The following CFAP299 variants were observed in gnomAD, a reference collection of about 807,000 sequenced individuals.
CFAP299 encodes cilia and flagella associated protein 299, also known as cilia- and flagella-associated protein 299.
Under a neutral mutation model 27.0 loss-of-function variants are expected in CFAP299, and 21 were observed. The observed-to-expected ratio is 0.78, with a 90% CI of 0.55 to 1.12. The LOEUF is 1.12. CFAP299 is among the 50% of genes most tolerant of loss of function. The probability of loss-of-function intolerance (pLI) is 0.00; values close to 1 mark genes in which losing one functional copy is unlikely to be tolerated. For synonymous variants in CFAP299, 104 were observed against 98.1 expected, an observed-to-expected ratio of 1.06 and a Z score of -0.36; for missense variants, 310 against 276.6, an observed-to-expected ratio of 1.12 and a Z score of -0.86.
chr4:80,778,359 G>C (rs953465427), intron 3 of CFAP299, among the ~76,000 whole-genome samples: 1 of 152,046 alleles, frequency 6.6e-6, no homozygotes, highest in Non-Finnish European at 1.5e-5. Flanking sequence ...GAAAAAAGTG[G>C]TACTGCCTCT....
chr4:80,686,012 A>G (rs1720165428), intron 3 of CFAP299, among the ~76,000 whole-genome samples: 2 of 152,298 alleles, frequency 1.3e-5, no homozygotes, highest in South Asian at 4.1e-4. Context: ...TAAGTTAGAA[A>G]AAGAACCCCA....
chr4:80,563,961 T>A (rs1172735324), intron 2 of CFAP299, among the ~76,000 whole-genome samples: 1 of 151,978 alleles, frequency 6.6e-6, no homozygotes, highest in Non-Finnish European at 1.5e-5. Flanking sequence ...CTTAGATACA[T>A]ACAACCAGCC....
chr4:80,405,813 G>A (rs1156637161), intron 2 of CFAP299, among the ~76,000 whole-genome samples: 1 of 152,000 alleles, frequency 6.6e-6, no homozygotes, highest in Non-Finnish European at 1.5e-5. Flanking sequence ...AGATGAAATA[G>A]ATTGTATAAT....
intron 3 of CFAP299, among the ~76,000 whole-genome samples, chr4:80,754,502 C>T (rs946919371): frequency 1.3e-5 from 2 of 151,614 alleles, no homozygotes; most frequent in African/African-American, 4.8e-5. Flanking sequence ...TTTGTACTTC[C>T]ATTCTTCCCA....
At chr4:80,713,333 C>T (rs1309919892) in intron 3 of CFAP299, among the ~76,000 whole-genome samples, 2 of 152,206 alleles carry the variant, frequency 1.3e-5, no homozygotes, top group Non-Finnish European at 2.9e-5. Context: ...GCACATCCAG[C>T]TGTGCAACAT....
chr4:80,847,797 G>T (rs1731266606), intron 3 of CFAP299, among the ~76,000 whole-genome samples: 1 of 152,190 alleles, frequency 6.6e-6, no homozygotes, highest in Non-Finnish European at 1.5e-5. Flanking sequence ...TTTCTGTGAA[G>T]CATAATTAGA....
intron 1 of CFAP299, among the ~76,000 whole-genome samples, chr4:80,339,296 G>A (rs1396001447): frequency 1.3e-5 from 2 of 152,064 alleles, no homozygotes; most frequent in Admixed American, 6.6e-5. Context: ...AATTTTGCCC[G>A]TATCTTTGTA....
At chr4:80,772,721 G>C (rs886403927) in intron 3 of CFAP299, among the ~76,000 whole-genome samples, 1 of 151,652 alleles carries the variant, frequency 6.6e-6, no homozygotes, top group African/African-American at 2.4e-5. Context: ...CTTGCCCTCC[G>C]CCTCCCAAAA....
chr4:80,825,522 A>G (rs1309485569), intron 3 of CFAP299, among the ~76,000 whole-genome samples: 1 of 152,038 alleles, frequency 6.6e-6, no homozygotes, highest in Non-Finnish European at 1.5e-5. Context: ...TTCACATACA[A>G]GAGATTTTCA....
intron 3 of CFAP299, among the ~76,000 whole-genome samples, chr4:80,674,840 A>AAT (rs1719324218): frequency 6.6e-6 from 1 of 152,138 alleles, no homozygotes; most frequent in Non-Finnish European, 1.5e-5. Context: ...TGCATGCATC[A>AAT]CGTAGTTCTC....
intron 3 of CFAP299, among the ~76,000 whole-genome samples, chr4:80,823,314 A>C (rs1384687714): frequency 6.6e-6 from 1 of 152,150 alleles, no homozygotes; most frequent in Non-Finnish European, 1.5e-5. Flanking sequence ...ACTAAAACTC[A>C]GGGCCAGTAA....
chr4:80,519,557 A>C (rs1260095128), intron 2 of CFAP299, among the ~76,000 whole-genome samples: 1 of 152,206 alleles, frequency 6.6e-6, no homozygotes, highest in Non-Finnish European at 1.5e-5. Flanking sequence ...AAAGCTTTGA[A>C]GAATAATTAA....
chr4:80,639,074 C>A (rs1346581880), intron 3 of CFAP299, among the ~76,000 whole-genome samples: 1 of 152,114 alleles, frequency 6.6e-6, no homozygotes, highest in East Asian at 1.9e-4. Context: ...GCTCTCATGA[C>A]CTCACCTAAA....
intron 3 of CFAP299, among the ~76,000 whole-genome samples, chr4:80,584,341 T>C (rs1736324290): frequency 6.6e-6 from 1 of 152,040 alleles, no homozygotes; most frequent in Non-Finnish European, 1.5e-5. Flanking sequence ...AATGGTAGAA[T>C]TGCAGAGGAT....
intron 3 of CFAP299, among the ~76,000 whole-genome samples, chr4:80,657,442 A>T (rs956720593): frequency 6.6e-6 from 1 of 152,186 alleles, no homozygotes; most frequent in African/African-American, 2.4e-5. Context: ...AGTTTTCTGC[A>T]TATCGCTAGC....
chr4:80,816,853 A>T (rs555365433), intron 3 of CFAP299, among the ~76,000 whole-genome samples: 4 of 152,218 alleles, frequency 2.6e-5, no homozygotes, highest in African/African-American at 7.2e-5. Context: ...TTTAAAAAAA[A>T]TGCAAGAAAA....
intron 3 of CFAP299, among the ~76,000 whole-genome samples, chr4:80,609,775 T>C (rs1002548143): frequency 6.6e-6 from 1 of 152,106 alleles, no homozygotes; most frequent in African/African-American, 2.4e-5. Context: ...TTGTCTATAT[T>C]TGCATGTTTA....
At chr4:80,759,326 A>G (rs908743098) in intron 3 of CFAP299, among the ~76,000 whole-genome samples, 7 of 152,176 alleles carry the variant, frequency 4.6e-5, no homozygotes, top group African/African-American at 1.2e-4. Flanking sequence ...GGCAAAATGT[A>G]TATTAGGTAA....
intron 5 of CFAP299, among the ~76,000 whole-genome samples, chr4:80,962,747 G>C (rs1168946158): frequency 6.6e-6 from 1 of 151,828 alleles, no homozygotes; most frequent in African/African-American, 2.4e-5. Context: ...TCTTAGAAGA[G>C]AGAGCAAATA....
Sources: gnomAD v4.1 joint callset for allele counts (sites outside exome capture counted in the v4.1 genomes callset) on GRCh38, gnomAD v4.1.1 for gene constraint, MANE v1.5 for transcripts, NCBI Gene and HGNC (gene_info 2026-07-23, HGNC 2026-07-21) for gene names.